KIF1A: variants seen among roughly 807,000 people sequenced by gnomAD.
The protein encoded by KIF1A is kinesin-like protein KIF1A.
Under a neutral mutation model 227.3 loss-of-function variants are expected in KIF1A, and 46 were observed. The ratio of observed to expected loss-of-function variants is 0.20; its 90% CI spans 0.16 to 0.26. KIF1A has a LOEUF of 0.26. KIF1A is among the 10% of genes least tolerant of loss of function. KIF1A has a pLI of 1.00. For synonymous variants in KIF1A, 1,022 were observed against 1,012.8 expected (o/e 1.01, Z -0.17); for missense variants, 1,683 against 2,485.9 (o/e 0.68, Z 6.87).
chr2:240,808,061 T>C (rs1415037420), intron 1 of KIF1A, among the ~76,000 whole-genome samples: 2 of 152,218 alleles, frequency 1.3e-5, no homozygotes, highest in African/African-American at 4.8e-5. Context: ...GGTAAAATGA[T>C]AGGAACATTT....
intron 38 of KIF1A, chr2:240,734,723 G>GT: frequency 7.7e-7 from 1 of 1,304,676 alleles, no homozygotes; most frequent in Non-Finnish European, 1.0e-6. Context: ...TGATACCTAG[G>GT]TATGTCCGAA....
In KIF1A at chr2:240,766,919, G is replaced by A. The variant is rs371260268; in HGVS notation, c.1680C>T (p.Ser560=). 3.9e-5 allele frequency: 63 copies of A among 1,606,026 alleles called. No individual in the cohort carries two copies. Among genetic ancestry groups the A allele is most frequent in the Non-Finnish European group, 4.9e-5 (58 of 1,175,988 alleles). Residue 560 remains serine, a synonymous_variant, in exon 19 of 49, where the codon AGC becomes AGT. Coordinates refer to ENST00000498729, the MANE Select transcript of KIF1A (RefSeq NM_001244008.2). This position sits in a 1 kb window ranked among gnomAD's most constrained non-coding sequence, Gnocchi z 5.0. ...CVFRSDSRGG[S]EAVVTLEPCE... The stretch of plus-strand genomic sequence containing the variant: ...GGGACGGTAGGGTGGTGATACCTTC[G>A]CTGCCTCCCCTGGAGTCGCTCCGGA...
intron 1 of KIF1A, among the ~76,000 whole-genome samples, chr2:240,806,956 T>C (rs1435744160): frequency 6.6e-6 from 1 of 151,966 alleles, no homozygotes; most frequent in Non-Finnish European, 1.5e-5. Context: ...TATAAAGTCG[T>C]CCCTCAGTAT....
At position 240,739,963 on chromosome 2, in the gene KIF1A, G is replaced by A. The variant is rs376442073; in HGVS notation, c.3901+95C>T. ...CCAGGGTCACGCAGCAACAGACGCA[G>A]AGGTGTGGTTAGAACCCGGGTATCC... On this transcript the variant is annotated intron_variant, in intron 37 of 48. Coordinates refer to ENST00000498729, the MANE Select transcript of KIF1A (RefSeq NM_001244008.2). This position sits in a 1 kb window ranked among gnomAD's most constrained non-coding sequence, Gnocchi z 5.6. 9 of 899,180 alleles carry A rather than the reference G, an allele frequency of 1.0e-5. No individual in the cohort carries two copies. The African/African-American group carries it at 1.2e-4, about 12-fold the overall frequency. 55.7% of individuals were successfully genotyped at this position (899,180 alleles called of 1,614,324 possible).
At chr2:240,785,193 G>C (rs377243354) in intron 6 of KIF1A, 93 bp from the exon 7 acceptor site, 51 of 1,036,960 alleles carry the variant, frequency 4.9e-5, no homozygotes, top group Non-Finnish European at 6.1e-5. Flanking sequence ...AGGTCATCGG[G>C]GGGGGCAGTT....
rs58623018 is a variant in KIF1A at position 240,787,623 on chromosome 2, C to T, written c.364-307G>A. Among the ~76,000 whole-genome samples, 3,998 of 152,268 alleles carry T rather than the reference C, an allele frequency of 0.026. 180 individuals carry two copies. The highest frequency in any genetic ancestry group is 0.091 in the African/African-American group (3,770 of 41,524). ...AGGCAAAGTACTAGTGACCAACTCA[C>T]GTCCAGAGACCTGCCCAGGGGAATG... On this transcript the variant is annotated intron_variant, in intron 4 of 48. Transcript: ENST00000498729.
At chr2:240,794,810 C>T (rs935825413) in intron 2 of KIF1A, among the ~76,000 whole-genome samples, 2 of 152,122 alleles carry the variant, frequency 1.3e-5, no homozygotes, top group African/African-American at 2.4e-5. Flanking sequence ...TTTTGCTTGC[C>T]GGCAACCTGG....
At chr2:240,769,829 G>A (rs574835502) in intron 15 of KIF1A, 123 bp from the exon 16 acceptor site, 30 of 670,222 alleles carry the variant, frequency 4.5e-5, no homozygotes, top group South Asian at 3.5e-4. Context: ...GGCCCGACAA[G>A]GCAACGAGGC....
At chr2:240,784,456 C>T (rs954324222) in intron 7 of KIF1A, among the ~76,000 whole-genome samples, 22 of 152,214 alleles carry the variant, frequency 1.4e-4, no homozygotes, top group Non-Finnish European at 2.8e-4. Context: ...TCCCCCAACC[C>T]ACCTCAGCCA....
At position 240,752,134 on chromosome 2, in the gene KIF1A, C is replaced by A. The variant is rs1386927121; in HGVS notation, c.2859-1587G>T. On this transcript the variant is annotated intron_variant, in intron 27 of 48. Coordinates refer to ENST00000498729, the MANE Select transcript of KIF1A (RefSeq NM_001244008.2). This position sits in a 1 kb window ranked among gnomAD's most constrained non-coding sequence, Gnocchi z 6.4. ...GGAAGCCCCTGGTGGCTTTTTGGGC[C>A]CTCTCCCCAGCACAACGCCCCCTCT... 6.6e-6 allele frequency among the ~76,000 whole-genome samples: 1 copy of A among 151,842 alleles called. No homozygotes were observed. Among genetic ancestry groups the A allele is most frequent in the Non-Finnish European group, 1.5e-5 (1 of 67,928 alleles).
intron 38 of KIF1A, chr2:240,728,300 T>G (rs1003678274): frequency 4.4e-5 from 36 of 813,986 alleles, no homozygotes; most frequent in Non-Finnish European, 5.7e-5. Flanking sequence ...AGAAAGGGCA[T>G]AGAAGCAGGC....
rs772521110 is a variant in KIF1A, at chr2:240,719,134, G to A, written c.5086C>T (p.Arg1696Cys). Residue 1696 changes from arginine to cysteine, a missense_variant, in exon 47 of 49, where the codon CGC becomes TGC. Around this residue, in one of 12 missense-constraint regions of KIF1A, gnomAD observed 384 missense variants for 410.1 expected, o/e 0.94. Coordinates refer to ENST00000498729, the MANE Select transcript of KIF1A (RefSeq NM_001244008.2). ...TAGGGGCGCCGCACCACCACGAAGC[G>A]CCTGGCCCAGCCTGACGTGTGCGGC... Reference protein sequence around the residue: ...LEPHTSGWARRFVVVRRPYAY... With the variant: ...LEPHTSGWARCFVVVRRPYAY... 1.1e-5 allele frequency: 18 copies of A among 1,612,348 alleles called. No homozygotes were observed. The highest frequency in any genetic ancestry group is 3.3e-5 in the South Asian group (3 of 91,044).
intron 40 of KIF1A, chr2:240,724,929 G>A (rs954705410): frequency 3.4e-4 from 23 of 67,668 alleles, no homozygotes; most frequent in Middle Eastern, 3.4e-3. Context: ...GAAGGTCACC[G>A]GCGGCGGGGG....
chr2:240,799,215 G>A (rs1000729626), intron 1 of KIF1A, among the ~76,000 whole-genome samples: 1 of 151,908 alleles, frequency 6.6e-6, no homozygotes, highest in Non-Finnish European at 1.5e-5. Context: ...GGGGCACAGC[G>A]AGCCTGGGAC....
chr2:240,745,606 G>A, intron 31 of KIF1A, 89 bp from the exon 32 acceptor site: 3 of 1,465,576 alleles, frequency 2.0e-6, no homozygotes, highest in African/African-American at 2.8e-5. Context: ...GAGGGCGCTG[G>A]GGCGTTCAGG....
intron 35 of KIF1A, 75 bp downstream of exon 35, chr2:240,741,194 G>T: frequency 1.0e-6 from 1 of 1,002,720 alleles, no homozygotes; most frequent in Non-Finnish European, 1.5e-6. Flanking sequence ...CCCTCAGGCA[G>T]CTCAAGTCCT....
chr2:240,775,028 C>T lies in KIF1A; in HGVS notation c.959-767G>A, dbSNP rs545641994. ...CTGTGGGAGGACTCCCCTGCCCCCG[C>T]CCTGGGACTGAACCTGGGTGTGCCT... On this transcript the variant is annotated intron_variant, in intron 11 of 48. Coordinates refer to ENST00000498729, the MANE Select transcript of KIF1A (RefSeq NM_001244008.2). This position sits in a 1 kb window ranked among gnomAD's most constrained non-coding sequence, Gnocchi z 5.5. Among the ~76,000 whole-genome samples the T allele has an allele frequency of 6.6e-6, 1 of 152,338 alleles. No individual in the cohort carries two copies. Among genetic ancestry groups the T allele is most frequent in the African/African-American group, 2.4e-5 (1 of 41,578 alleles).
At position 240,725,142 on chromosome 2, in the gene KIF1A, G is replaced by A; in HGVS notation, c.4256+129C>T. On this transcript the variant is annotated intron_variant, in intron 40 of 48. Transcript: ENST00000498729. This position sits in a 1 kb window ranked among gnomAD's most constrained non-coding sequence, Gnocchi z 5.8. ...GGGACTGAGCGCAGGGAGCCAGCCA[G>A]GAGTGTGGCTGGGCCTCGCACAGGG... 1.1e-6 allele frequency: 1 copy of A among 934,920 alleles called. No individual in the cohort carries two copies. The highest frequency in any genetic ancestry group is 1.6e-6 in the Non-Finnish European group (1 of 618,638). 57.9% of individuals were successfully genotyped at this position (934,920 alleles called of 1,614,324 possible).
intron 1 of KIF1A, chr2:240,798,025 CTGAGGAAGCT>C (rs1221238186): frequency 8.2e-6 from 3 of 364,122 alleles, no homozygotes; most frequent in Non-Finnish European, 1.5e-5. Flanking sequence ...CTTCGCAAGC[CTGAGGAAGCT>C]GAAACCCAAC....
Sources: allele counts gnomAD v4.1 joint callset (sites outside exome capture counted in the v4.1 genomes callset), GRCh38; gene constraint gnomAD v4.1.1; regional missense constraint gnomAD v4.1.1; non-coding constraint Gnocchi (gnomAD v3.1); transcripts MANE v1.5; gene names NCBI Gene and HGNC (gene_info 2026-07-23, HGNC 2026-07-21).